The following SMARCAD1 variants were observed in gnomAD, a reference collection of about 807,000 sequenced individuals.
SMARCAD1 encodes the protein SNF2 related chromatin remodeling ATPase with DExD box 1, also known as SWI/SNF-related matrix-associated actin-dependent regulator of chromatin subfamily A containing DEAD/H box 1.
SMARCAD1 carries 25 observed loss-of-function variants against 127.1 expected under a neutral mutation model. The observed-to-expected ratio is 0.20, with a 90% confidence interval of 0.14 to 0.27. The LOEUF is 0.27. Among genes scored for constraint, SMARCAD1 ranks in the 10% least tolerant of loss-of-function variants. The pLI is 1.00. For missense variants in SMARCAD1, 807 were observed against 1,206.0 expected (o/e 0.67, Z 4.90); for synonymous variants, 400 against 396.9 (o/e 1.01, Z -0.09).
chr4:94,236,074 T>C (rs1746603517), intron 4 of SMARCAD1, among the ~76,000 whole-genome samples: 1 of 152,096 alleles, frequency 6.6e-6, no homozygotes, highest in African/African-American at 2.4e-5. Context: ...TTCAAGAGGT[T>C]GTGAAATAGT....
chr4:94,225,279 G>T (rs1744815715), intron 2 of SMARCAD1, among the ~76,000 whole-genome samples: 1 of 149,716 alleles, frequency 6.7e-6, no homozygotes, highest in African/African-American at 2.4e-5. Context: ...TTTTCTTCTT[G>T]GGCCTCTTTC....
intron 3 of SMARCAD1, among the ~76,000 whole-genome samples, chr4:94,231,934 T>G (rs1447260902): frequency 6.6e-6 from 1 of 152,170 alleles, no homozygotes; most frequent in African/African-American, 2.4e-5. Flanking sequence ...TGATCTCAGC[T>G]CACTGCAACC....
rs148312628 is a variant in SMARCAD1 at position 94,220,513 on chromosome 4, G to A, written c.191-5606G>A. On this transcript the variant is annotated intron_variant, in intron 2 of 23. Coordinates refer to ENST00000354268, the MANE Select transcript of SMARCAD1 (RefSeq NM_020159.5). ...TCTGCCCGTCTCGGCCTCCCAAAGTGCTGGGATTACAGGCATGAGCCACCG... is the reference window on the plus strand; with the variant it reads ...TCTGCCCGTCTCGGCCTCCCAAAGTACTGGGATTACAGGCATGAGCCACCG... 6.7e-3 allele frequency among the ~76,000 whole-genome samples: 1,022 copies of A among 152,242 alleles called. 6 individuals carry two copies. The highest frequency in any genetic ancestry group is 0.054 in the Middle Eastern group (16 of 294).
chr4:94,236,952 T>C lies in SMARCAD1; in HGVS notation c.538T>C (p.Leu180=). The C allele has an allele frequency of 6.2e-7, 1 of 1,612,332 alleles. No homozygotes were observed. Among genetic ancestry groups the C allele is most frequent in the Non-Finnish European group, 8.5e-7 (1 of 1,178,686 alleles). Residue 180 remains leucine (L), a splice_region_variant and synonymous_variant, in exon 5 of 24, where the codon TTG becomes CTG. Transcript: ENST00000354268. ...CATTAATCTTTTCTCGTTCTGTTAG[T>C]TGATTGAATCAACAAGCACTATGGA... ...PQRSDNDLLK[L]IESTSTMDGA...
intron 2 of SMARCAD1, among the ~76,000 whole-genome samples, chr4:94,216,566 C>CT (rs1743229393): frequency 6.6e-6 from 1 of 152,208 alleles, no homozygotes; most frequent in Non-Finnish European, 1.5e-5. Context: ...CTCCAGCACT[C>CT]TTTTCATCTT....
At position 94,252,872 on chromosome 4, in the gene SMARCAD1, G is replaced by A. The variant is rs1364595254; in HGVS notation, c.1146G>A (p.Glu382=). 6.2e-7 allele frequency: 1 copy of A among 1,614,058 alleles called. No homozygotes were observed. The highest frequency in any genetic ancestry group is 8.5e-7 in the Non-Finnish European group (1 of 1,179,984). Residue 382 remains glutamate (E), a synonymous_variant, in exon 9 of 24, where the codon GAG becomes GAA. Coordinates refer to ENST00000354268, the MANE Select transcript of SMARCAD1 (RefSeq NM_020159.5). The stretch of plus-strand genomic sequence containing the variant: ...ATAGTAGTGGTGAAGAAGTGATGGA[G>A]GATGGCTATAAAGGTAAAATTCTTC... The part of the protein sequence containing the change: ...EDYSSGEEVM[E]DGYKGKILHF...
intron 15 of SMARCAD1, 35 bp downstream of exon 15, chr4:94,276,509 G>A: frequency 6.2e-7 from 1 of 1,609,186 alleles, no homozygotes; most frequent in Non-Finnish European, 8.5e-7. Context: ...CCAAATTACT[G>A]TAAAATTTAG....
At chr4:94,211,306 G>A (rs1253843773) in intron 2 of SMARCAD1, among the ~76,000 whole-genome samples, 4 of 152,022 alleles carry the variant, frequency 2.6e-5, no homozygotes, top group Non-Finnish European at 5.9e-5. Flanking sequence ...AAAAATCAAA[G>A]GTCCTGCCCC....
At chr4:94,254,249 GATTT>G (rs1251767786) in intron 9 of SMARCAD1, among the ~76,000 whole-genome samples, 1 of 152,056 alleles carries the variant, frequency 6.6e-6, no homozygotes, top group African/African-American at 2.4e-5. Flanking sequence ...TTGCCTGAGT[GATTT>G]ATTTGTTAAA....
chr4:94,277,215 ATTC>A, intron 16 of SMARCAD1, 56 bp downstream of exon 16: 1 of 1,593,926 alleles, frequency 6.3e-7, no homozygotes, highest in Non-Finnish European at 8.6e-7. Flanking sequence ...TATCTGGGCC[ATTC>A]TTCTGTTAGG....
chr4:94,231,884 C>T (rs1357874835), intron 3 of SMARCAD1, among the ~76,000 whole-genome samples: 1 of 151,476 alleles, frequency 6.6e-6, no homozygotes, highest in African/African-American at 2.4e-5. Flanking sequence ...TCTTTTTAGA[C>T]AGAGTCTTGC....
At chr4:94,242,672 G>A (rs1747774300) in intron 6 of SMARCAD1, among the ~76,000 whole-genome samples, 1 of 151,832 alleles carries the variant, frequency 6.6e-6, no homozygotes, top group East Asian at 1.9e-4. Flanking sequence ...GGGAGGCTGA[G>A]GCAGGAGGAT....
intron 3 of SMARCAD1, 73 bp from the exon 4 acceptor site, chr4:94,233,881 A>G (rs775709624): frequency 3.1e-5 from 45 of 1,464,000 alleles, no homozygotes; most frequent in Middle Eastern, 1.7e-4. Context: ...CTATGTATAC[A>G]CATAGACACT....
intron 7 of SMARCAD1, 125 bp downstream of exon 7, chr4:94,249,880 C>A: frequency 1.5e-6 from 1 of 658,268 alleles, no homozygotes; most frequent in East Asian, 2.7e-5. Context: ...AAATGTTCTC[C>A]TTTTATCAAT....
At chr4:94,225,967 G>A (rs1744920531) in intron 2 of SMARCAD1, 152 bp from the exon 3 acceptor site, 1 of 692,254 alleles carries the variant, frequency 1.4e-6, no homozygotes, top group South Asian at 2.0e-5. Context: ...CCTGGTTGAT[G>A]ATTAATTTTT....
At position 94,226,317 on chromosome 4, in the gene SMARCAD1, A is replaced by G. The variant is rs757536260; in HGVS notation, c.368+21A>G. ...ATAGTGTAAGCTGATTAATAGATAT[A>G]TTGTATTTGCATGTGTGTGAGATTT... On this transcript the variant is annotated intron_variant, in intron 3 of 23. Coordinates refer to ENST00000354268, the MANE Select transcript of SMARCAD1 (RefSeq NM_020159.5). 33 of 1,583,890 alleles carry G rather than the reference A, an allele frequency of 2.1e-5. No homozygotes were observed. In the Admixed American group the frequency reaches 3.0e-4, roughly 15 times the overall value.
chr4:94,280,183 T>A (rs1171027273), intron 19 of SMARCAD1, among the ~76,000 whole-genome samples: 3 of 151,886 alleles, frequency 2.0e-5, no homozygotes, highest in African/African-American at 7.3e-5. Context: ...TCTTTTTAAA[T>A]TTTTTTTTAT....
At chr4:94,273,306 G>A (rs1230171882) in intron 11 of SMARCAD1, among the ~76,000 whole-genome samples, 2 of 152,306 alleles carry the variant, frequency 1.3e-5, no homozygotes, top group Middle Eastern at 3.4e-3. Context: ...AACATTCACT[G>A]TGTCTAAGCA....
intron 4 of SMARCAD1, among the ~76,000 whole-genome samples, chr4:94,234,804 G>A (rs886907725): frequency 3.9e-5 from 6 of 152,054 alleles, no homozygotes; most frequent in African/African-American, 1.2e-4. Context: ...ATCTGTCTTC[G>A]CTGCTACCAC....
Sources: allele counts gnomAD v4.1 joint callset (sites outside exome capture counted in the v4.1 genomes callset), GRCh38; gene constraint gnomAD v4.1.1; transcripts MANE v1.5; gene names NCBI Gene and HGNC (gene_info 2026-07-23, HGNC 2026-07-21).